Variants in RPTOR observed in about 807,000 individuals in gnomAD.
RPTOR encodes regulatory-associated protein of mTOR.
RPTOR carries 21 observed loss-of-function variants against 169.9 expected under a neutral mutation model. The observed-to-expected ratio is 0.12, with a 90% CI of 0.09 to 0.18. RPTOR has a LOEUF of 0.18. Ranked by LOEUF, RPTOR falls within the 10% of genes least tolerant of loss-of-function variation. The probability of loss-of-function intolerance (pLI) is 1.00; values close to 1 mark genes in which losing one functional copy is unlikely to be tolerated. For synonymous variants in RPTOR, 732 were observed against 753.2 expected (o/e 0.97, Z 0.46); for missense variants, 1,133 against 1,855.9 (o/e 0.61, Z 7.16).
Position 80,646,285 on chromosome 17 carries a change from C to CT in RPTOR, c.348+2476dup, listed in dbSNP as rs2065595203. ...GCTACTATCCATGAGCGGGCCTCAT[C>CT]TATTTTAGAAATTAGCCTAAGGTAA... On this transcript the variant is annotated intron_variant, in intron 3 of 33. Coordinates refer to ENST00000306801, the MANE Select transcript of RPTOR (RefSeq NM_020761.3). The surrounding 1 kb of genome is among the most constrained non-coding windows in gnomAD (Gnocchi z 5.0). 6.6e-6 allele frequency among the ~76,000 whole-genome samples: 1 copy of CT among 152,208 alleles called. No individual in the cohort carries two copies. Among genetic ancestry groups the CT allele is most frequent in the Non-Finnish European group, 1.5e-5 (1 of 68,036 alleles).
chr17:80,754,159 C>A lies in RPTOR; in HGVS notation c.804C>A (p.Thr268=). The A allele has an allele frequency of 6.2e-7, 1 of 1,610,152 alleles. No individual in the cohort carries two copies. The highest frequency in any genetic ancestry group is 8.5e-7 in the Non-Finnish European group (1 of 1,177,768). Residue 268 remains threonine (T), a synonymous_variant, in exon 6 of 34, where the codon ACC becomes ACA. Coordinates refer to ENST00000306801, the MANE Select transcript of RPTOR (RefSeq NM_020761.3). The surrounding 1 kb of genome is among the most constrained non-coding windows in gnomAD (Gnocchi z 4.2). ...CTGACCTATTCACCTCCTGCCTCAC[C>A]ACCCCCATCAAGATCGCCCTGCGCT... The part of the protein sequence containing the change: ...LPADLFTSCL[T]TPIKIALRWF...
At chr17:80,818,327 T>G (rs1399151204) in intron 7 of RPTOR, among the ~76,000 whole-genome samples, 2 of 152,164 alleles carry the variant, frequency 1.3e-5, no homozygotes, top group African/African-American at 4.8e-5. Context: ...AATTTAAATT[T>G]TAAAAGAGCC....
intron 13 of RPTOR, among the ~76,000 whole-genome samples, chr17:80,863,547 A>G (rs1429720086): frequency 1.3e-5 from 2 of 152,248 alleles, no homozygotes; most frequent in African/African-American, 2.4e-5. Context: ...TTGAATTTCT[A>G]GAGATGAAAA....
Position 80,754,333 on chromosome 17 carries a change from G to T in RPTOR, c.830+148G>T. The stretch of plus-strand genomic sequence containing the variant: ...CCCGCCTTCTTTTTGTGTCATTCGG[G>T]ATTCCAGGTGGAGGTTTGGGTTCTA... On this transcript the variant is annotated intron_variant, in intron 6 of 33. Coordinates refer to ENST00000306801, the MANE Select transcript of RPTOR (RefSeq NM_020761.3). The surrounding 1 kb of genome is among the most constrained non-coding windows in gnomAD (Gnocchi z 4.2). 1.3e-6 allele frequency: 1 copy of T among 788,422 alleles called. No individual in the cohort carries two copies. Among genetic ancestry groups the T allele is most frequent in the Non-Finnish European group, 2.0e-6 (1 of 501,016 alleles). 48.8% of individuals were successfully genotyped at this position (788,422 alleles called of 1,614,324 possible).
intron 28 of RPTOR, among the ~76,000 whole-genome samples, chr17:80,956,905 C>G (rs1254139338): frequency 6.6e-6 from 1 of 152,108 alleles, no homozygotes. Context: ...GCACCTTAGA[C>G]AGACGTTCCT....
At chr17:80,848,761 G>T (rs60228846) in intron 11 of RPTOR, among the ~76,000 whole-genome samples, 3,728 of 152,332 alleles carry the variant, frequency 0.024, 171 homozygotes, top group African/African-American at 0.086. Flanking sequence ...CCGATGCCAA[G>T]CACGTTAAAT....
At chr17:80,937,531 G>C (rs1044812520) in intron 24 of RPTOR, among the ~76,000 whole-genome samples, 1 of 152,140 alleles carries the variant, frequency 6.6e-6, no homozygotes, top group Non-Finnish European at 1.5e-5. Context: ...CTTCAGAATC[G>C]TAATTGGTTT....
Position 80,708,660 on chromosome 17 carries a change from T to C in RPTOR, c.507+661T>C, listed in dbSNP as rs1355494138. Among the ~76,000 whole-genome samples, 1 of 150,382 alleles carries C rather than the reference T, an allele frequency of 6.6e-6. No individual in the cohort carries two copies. ...TCCAGGGTGTGGTGGGTGCTGACTGTTGTCCCCACCCTCCAGGGTGTGGTG... is the reference window on the plus strand; with the variant it reads ...TCCAGGGTGTGGTGGGTGCTGACTGCTGTCCCCACCCTCCAGGGTGTGGTG... On this transcript the variant is annotated intron_variant, in intron 4 of 33. Coordinates refer to ENST00000306801, the MANE Select transcript of RPTOR (RefSeq NM_020761.3). The surrounding 1 kb of genome is among the most constrained non-coding windows in gnomAD (Gnocchi z 4.2).
chr17:80,743,504 G>C, intron 5 of RPTOR: 2 of 962,368 alleles, frequency 2.1e-6, no homozygotes, highest in Non-Finnish European at 2.5e-6. Context: ...AGCGCGTTCG[G>C]AGTGCTGGGC....
At chr17:80,679,151 G>C (rs751475540) in intron 3 of RPTOR, among the ~76,000 whole-genome samples, 2 of 152,226 alleles carry the variant, frequency 1.3e-5, no homozygotes, top group Non-Finnish European at 2.9e-5. Flanking sequence ...GCTGAGGCAG[G>C]AGAATTGCCT....
intron 4 of RPTOR, among the ~76,000 whole-genome samples, chr17:80,716,066 C>G (rs759346704): frequency 1.3e-5 from 2 of 152,174 alleles, no homozygotes; most frequent in Admixed American, 1.3e-4. Context: ...GACTTATTTT[C>G]CTCTGGGTAA....
chr17:80,737,557 T>G (rs1448378279), intron 5 of RPTOR, among the ~76,000 whole-genome samples: 4 of 152,176 alleles, frequency 2.6e-5, no homozygotes, highest in Admixed American at 2.6e-4. Flanking sequence ...CCCGCACCAC[T>G]CCAGGCTTGG....
chr17:80,775,988 T>A (rs531830320), intron 6 of RPTOR, among the ~76,000 whole-genome samples: 56 of 152,162 alleles, frequency 3.7e-4, no homozygotes, highest in African/African-American at 1.3e-3. Context: ...TTCCCTCTCA[T>A]AAAATTATAG....
intron 1 of RPTOR, among the ~76,000 whole-genome samples, chr17:80,561,952 CTG>C (rs1568305012): frequency 6.6e-6 from 1 of 152,002 alleles, no homozygotes; most frequent in Non-Finnish European, 1.5e-5. Context: ...GTGTTTATGT[CTG>C]TATGTATGTG....
chr17:80,744,433 C>CCCTGGCTACTAGCACTGT (rs1567888681), intron 5 of RPTOR, among the ~76,000 whole-genome samples: 2 of 17,872 alleles, frequency 1.1e-4, no homozygotes, highest in Admixed American at 1.4e-3. Context: ...ACTAGCACAG[C>CCCTGGCTACTAGCACTGT]CCTGGCTACT....
chr17:80,945,569 G>T, intron 25 of RPTOR, 98 bp from the exon 26 acceptor site: 1 of 693,764 alleles, frequency 1.4e-6, no homozygotes, highest in Non-Finnish European at 2.3e-6. Context: ...TCCAGCCTGG[G>T]CGACAGAGCG....
At chr17:80,767,903 C>T (rs1034147065) in intron 6 of RPTOR, among the ~76,000 whole-genome samples, 6 of 151,844 alleles carry the variant, frequency 4.0e-5, no homozygotes, top group Admixed American at 6.6e-5. Context: ...CTTGCTGTGT[C>T]GCCAGGCTGG....
chr17:80,866,679 A>G (rs2067995702), intron 13 of RPTOR, among the ~76,000 whole-genome samples: 2 of 152,200 alleles, frequency 1.3e-5, no homozygotes, highest in South Asian at 4.1e-4. Flanking sequence ...AGAACATTTG[A>G]TAACTTTGAT....
chr17:80,768,996 A>G (rs1441509660), intron 6 of RPTOR, among the ~76,000 whole-genome samples: 1 of 152,196 alleles, frequency 6.6e-6, no homozygotes. Flanking sequence ...AGCCATTTTC[A>G]TCCTCATTTT....
Sources: gnomAD v4.1 joint callset for allele counts (sites outside exome capture counted in the v4.1 genomes callset) on GRCh38, gnomAD v4.1.1 for gene constraint, Gnocchi (gnomAD v3.1) non-coding constraint, MANE v1.5 for transcripts, NCBI Gene and HGNC (gene_info 2026-07-23, HGNC 2026-07-21) for gene names.